EML6: variants seen among roughly 807,000 people sequenced by gnomAD.
EML6 encodes echinoderm microtubule-associated protein-like 6.
EML6 carries 154 observed loss-of-function variants against 240.1 expected under a neutral mutation model. The observed-to-expected ratio is 0.64, with a 90% CI of 0.56 to 0.73. EML6 has a LOEUF of 0.73. EML6 is among the 30% of genes least tolerant of loss of function. The pLI is 0.00. For synonymous variants in EML6, 1,148 were observed against 899.0 expected (o/e 1.28, Z -4.95); for missense variants, 2,964 against 2,474.6 (o/e 1.20, Z -4.20).
intron 2 of EML6, among the ~76,000 whole-genome samples, chr2:54,739,115 T>C (rs1683523963): frequency 6.6e-6 from 1 of 152,236 alleles, no homozygotes; most frequent in Admixed American, 6.5e-5. Context: ...AAGTAAAATA[T>C]ATACATATAT....
rs71408801 is a variant in EML6 at position 54,914,786 on chromosome 2, A to AT, written c.3499-1962dup. Among the ~76,000 whole-genome samples, 1,136 of 150,230 alleles carry AT rather than the reference A, an allele frequency of 7.6e-3. 13 individuals carry two copies. The highest frequency in any genetic ancestry group is 0.034 in the Middle Eastern group (10 of 290). ...TTGGAAAATCTTTTTCAAAGAAGCA[A>AT]TTTTTTTTTTTAAGAAACAATCATG... is the stretch of plus-strand genomic sequence containing the variant. On this transcript the variant is annotated intron_variant, in intron 25 of 41. Coordinates refer to ENST00000356458, the MANE Select transcript of EML6 (RefSeq NM_001039753.4).
chr2:54,831,219 C>T (rs182951157), intron 7 of EML6, among the ~76,000 whole-genome samples: 2 of 152,282 alleles, frequency 1.3e-5, no homozygotes, highest in African/African-American at 2.4e-5. Context: ...ACTGCCTAAA[C>T]GTTGGGGAGT....
intron 2 of EML6, among the ~76,000 whole-genome samples, chr2:54,789,616 G>A (rs114012234): frequency 0.033 from 4,890 of 149,382 alleles, 119 homozygotes; most frequent in Admixed American, 0.081. Flanking sequence ...GTTGTCTTCC[G>A]TACTTGTATT....
chr2:54,928,680 T>G lies in EML6; in HGVS notation c.3933T>G (p.Tyr1311Ter). Residue 1311 changes from tyrosine to a stop codon, truncating the protein, a stop_gained, in exon 28 of 42, where the codon TAT becomes TAG. Transcript: ENST00000356458. LOFTEE classifies it high-confidence loss of function. The part of the protein sequence containing the change: ...EKAIDYTTKI[Y>*]AVSIREMEGT... ...CCATTGACTACACCACCAAGATTTA[T>G]GCTGTGAGCATCAGGGAAATGGAAG... The G allele has an allele frequency of 1.3e-6, 2 of 1,551,926 alleles. No homozygotes were observed. Among genetic ancestry groups the G allele is most frequent in the Non-Finnish European group, 1.7e-6 (2 of 1,147,034 alleles).
chr2:54,916,857 C>T lies in EML6; in HGVS notation c.3597C>T (p.Ala1199=). The T allele has an allele frequency of 6.4e-7, 1 of 1,550,992 alleles. No homozygotes were observed. The highest frequency in any genetic ancestry group is 8.7e-7 in the Non-Finnish European group (1 of 1,146,426). Residue 1199 remains alanine, a synonymous_variant, in exon 26 of 42, where the codon GCC becomes GCT. Coordinates refer to ENST00000356458, the MANE Select transcript of EML6 (RefSeq NM_001039753.4). ...GCGATATAACTGACGTAAATGCTGC[C>T]AGTCTTACCAAAGACTGTTCCCTTT... The part of the protein sequence containing the change: ...AHSDITDVNA[A]SLTKDCSLLA...
intron 10 of EML6, among the ~76,000 whole-genome samples, chr2:54,852,604 C>A (rs897726300): frequency 6.6e-6 from 1 of 152,120 alleles, no homozygotes; most frequent in African/African-American, 2.4e-5. Flanking sequence ...ACTGTATTCT[C>A]CAAGGCAAGA....
chr2:54,832,396 G>T (rs1668917205), intron 7 of EML6, among the ~76,000 whole-genome samples: 1 of 152,198 alleles, frequency 6.6e-6, no homozygotes, highest in South Asian at 2.1e-4. Context: ...CGAACAGGGA[G>T]AGACTCTCAG....
At chr2:54,955,071 G>A (rs1676168990) in intron 32 of EML6, among the ~76,000 whole-genome samples, 1 of 152,220 alleles carries the variant, frequency 6.6e-6, no homozygotes, top group Admixed American at 6.5e-5. Context: ...CTGACAGCTT[G>A]CAGACATTTG....
chr2:54,813,335 C>A lies in EML6; in HGVS notation c.301C>A (p.Leu101Ile), dbSNP rs918790256. 1 of 1,551,678 alleles carries A rather than the reference C, an allele frequency of 6.4e-7. No individual in the cohort carries two copies. Among genetic ancestry groups the A allele is most frequent in the Non-Finnish European group, 8.7e-7 (1 of 1,146,862 alleles). ...DSYNVQTVSL[L>I]KDVHTHGVAC... Reference sequence around the variant, plus strand: ...CTATAATGTCCAGACTGTGTCTCTTCTTAAAGATGTCCATACACATGGAGT... The same window carrying A: ...CTATAATGTCCAGACTGTGTCTCTTATTAAAGATGTCCATACACATGGAGT... The change falls in exon 3 of 42, where the codon CTT (leucine) becomes ATT (isoleucine). Residue 101 changes from leucine to isoleucine, a missense_variant. Coordinates refer to ENST00000356458, the MANE Select transcript of EML6 (RefSeq NM_001039753.4).
At chr2:54,927,252 A>C (rs539865076) in intron 26 of EML6, among the ~76,000 whole-genome samples, 1 of 152,344 alleles carries the variant, frequency 6.6e-6, no homozygotes, top group Non-Finnish European at 1.5e-5. Flanking sequence ...GTAGTTGGCC[A>C]AATACAGGGC....
At chr2:54,836,706 G>A (rs1021143678) in intron 7 of EML6, among the ~76,000 whole-genome samples, 1 of 152,164 alleles carries the variant, frequency 6.6e-6, no homozygotes, top group Non-Finnish European at 1.5e-5. Flanking sequence ...ACAGGGCCTG[G>A]TACTCAGGAG....
chr2:54,967,374 A>G (rs371279839), intron 39 of EML6: 4 of 236,596 alleles, frequency 1.7e-5, no homozygotes, highest in East Asian at 1.9e-4. Context: ...ACAGGAAACC[A>G]TCTCCCGTCT....
intron 16 of EML6, among the ~76,000 whole-genome samples, chr2:54,878,391 G>A (rs17046440): frequency 0.03 from 4,530 of 152,228 alleles, 78 homozygotes; most frequent in East Asian, 0.058. Flanking sequence ...TTGATCACTC[G>A]TCTCCTAGCA....
chr2:54,766,303 C>T (rs1466972529), intron 2 of EML6, among the ~76,000 whole-genome samples: 1 of 152,182 alleles, frequency 6.6e-6, no homozygotes, highest in African/African-American at 2.4e-5. Context: ...TCCCAGATCA[C>T]GTGTTAAACA....
At chr2:54,734,386 A>C (rs762713163) in intron 2 of EML6, among the ~76,000 whole-genome samples, 1 of 152,252 alleles carries the variant, frequency 6.6e-6, no homozygotes, top group African/African-American at 2.4e-5. Flanking sequence ...TTCACTTCTC[A>C]TAAGAGACTG....
chr2:54,901,629 T>G (rs1673060494), intron 22 of EML6, among the ~76,000 whole-genome samples: 1 of 152,224 alleles, frequency 6.6e-6, no homozygotes, highest in South Asian at 2.1e-4. Flanking sequence ...TACGATAGAT[T>G]GTGATTAACC....
Position 54,960,801 on chromosome 2 carries a change from C to T in EML6, c.4968+467C>T, listed in dbSNP as rs533569347. On this transcript the variant is annotated intron_variant, in intron 35 of 41. Coordinates refer to ENST00000356458, the MANE Select transcript of EML6 (RefSeq NM_001039753.4). ...TGGTTTCCAACTCATATTTGGGTAG[C>T]GTATCAAAAACAACTGTCGGGTTTT... 5.3e-5 allele frequency among the ~76,000 whole-genome samples: 8 copies of T among 152,146 alleles called. No homozygotes were observed. The South Asian group carries it at 8.3e-4, about 16-fold the overall frequency.
At chr2:54,948,098 C>A (rs939227451) in intron 28 of EML6, among the ~76,000 whole-genome samples, 3 of 152,270 alleles carry the variant, frequency 2.0e-5, no homozygotes, top group Admixed American at 6.5e-5. Flanking sequence ...TCTTTCTCGA[C>A]CCATCCATAG....
At chr2:54,958,065 C>A in intron 33 of EML6, 67 bp downstream of exon 33, 2 of 1,394,544 alleles carry the variant, frequency 1.4e-6, no homozygotes, top group Non-Finnish European at 1.9e-6. Flanking sequence ...TGGGCATGGG[C>A]AGGAGGGGAG....
Sources: allele counts gnomAD v4.1 joint callset (sites outside exome capture counted in the v4.1 genomes callset), GRCh38; gene constraint gnomAD v4.1.1; transcripts MANE v1.5; gene names NCBI Gene and HGNC (gene_info 2026-07-23, HGNC 2026-07-21).